The following CNTNAP4 variants were observed in gnomAD, a reference collection of about 807,000 sequenced individuals.
CNTNAP4 encodes contactin-associated protein-like 4.
A neutral mutation model predicts 148.4 loss-of-function variants in CNTNAP4; 98 were observed. That is an observed-to-expected ratio of 0.66 (90% CI 0.56 to 0.78). CNTNAP4 has a LOEUF of 0.78. Ranked by LOEUF, CNTNAP4 falls within the 30% of genes least tolerant of loss-of-function variation. The pLI is 0.00. For missense variants in CNTNAP4, 1,935 were observed against 1,565.6 expected, an observed-to-expected ratio of 1.24 and a Z score of -3.98; for synonymous variants, 730 against 565.1, an observed-to-expected ratio of 1.29 and a Z score of -4.14.
At chr16:76,547,265 C>T (rs2084777771) in intron 21 of CNTNAP4, among the ~76,000 whole-genome samples, 2 of 151,988 alleles carry the variant, frequency 1.3e-5, no homozygotes, top group African/African-American at 2.4e-5. Flanking sequence ...ACAATTCCAC[C>T]ACATGGGGAA....
chr16:76,297,392 A>G (rs755548207), intron 1 of CNTNAP4, among the ~76,000 whole-genome samples: 27 of 152,180 alleles, frequency 1.8e-4, no homozygotes, highest in Non-Finnish European at 2.8e-4. Context: ...ATTTATATTT[A>G]TTTTTGTTCA....
rs190502447 is a variant in CNTNAP4 at position 76,316,539 on chromosome 16, T to G, written c.196+16T>G. 1,391 of 1,531,192 alleles carry G rather than the reference T, an allele frequency of 9.1e-4. 11 individuals carry two copies. In the African/African-American group the frequency reaches 0.017, roughly 18 times the overall value. 94.9% of individuals were successfully genotyped at this position (1,531,192 alleles called of 1,614,324 possible). A position where few individuals can be genotyped will look rare whatever the true frequency, so the allele number is the denominator to read the frequency against. On this transcript the variant is annotated intron_variant, in intron 2 of 23. Transcript: ENST00000611870. ...AGAAGAGATGGTAAGTCTGCTTTTC[T>G]CCTCTGACTGGCCCATAGAAAATCT...
At chr16:76,401,678 G>T (rs2078422988) in intron 3 of CNTNAP4, among the ~76,000 whole-genome samples, 1 of 152,112 alleles carries the variant, frequency 6.6e-6, no homozygotes, top group South Asian at 2.1e-4. Flanking sequence ...TTGTCTGTGG[G>T]TTTGCCATAG....
chr16:76,559,509 A>T lies in CNTNAP4; in HGVS notation c.*826A>T, dbSNP rs917525180. On this transcript the variant is annotated 3_prime_UTR_variant, in exon 24 of 24. Coordinates refer to ENST00000611870, the MANE Select transcript of CNTNAP4 (RefSeq NM_033401.5). ...CAAAGAATGTAAAATGTTTTCAACT[A>T]AACTGTTGATATATTAAAAAAAATT... Among the ~76,000 whole-genome samples, 5 of 152,340 alleles carry T rather than the reference A, an allele frequency of 3.3e-5. No homozygotes were observed. In the South Asian group the frequency reaches 8.3e-4, roughly 25 times the overall value.
intron 4 of CNTNAP4, among the ~76,000 whole-genome samples, chr16:76,432,989 C>T (rs1453140107): frequency 6.6e-6 from 1 of 152,126 alleles, no homozygotes; most frequent in African/African-American, 2.4e-5. Context: ...CTCTCTTACT[C>T]ATTCTTCTTT....
chr16:76,469,702 T>G (rs1046080614), intron 10 of CNTNAP4: 1 of 152,216 alleles, frequency 6.6e-6, no homozygotes, highest in Admixed American at 6.5e-5. Flanking sequence ...GGAGAACACA[T>G]CACTTTAGTG....
intron 3 of CNTNAP4, among the ~76,000 whole-genome samples, chr16:76,415,172 C>T (rs1238900131): frequency 6.6e-6 from 1 of 151,176 alleles, no homozygotes; most frequent in Non-Finnish European, 1.5e-5. Context: ...GTTTTCTAAA[C>T]ACACACAGAT....
chr16:76,301,593 T>C (rs994771711), intron 1 of CNTNAP4, among the ~76,000 whole-genome samples: 3 of 152,110 alleles, frequency 2.0e-5, no homozygotes, highest in Non-Finnish European at 4.4e-5. Context: ...AATGAAGAAA[T>C]GTTATCAGGA....
chr16:76,383,837 G>T (rs78704302), intron 3 of CNTNAP4, among the ~76,000 whole-genome samples: 2 of 152,126 alleles, frequency 1.3e-5, no homozygotes, highest in African/African-American at 4.8e-5. Flanking sequence ...GGGTGTAGGC[G>T]AAATAAAATT....
At chr16:76,536,454 C>T (rs569061237) in intron 18 of CNTNAP4, among the ~76,000 whole-genome samples, 67 of 152,178 alleles carry the variant, frequency 4.4e-4, no homozygotes, top group African/African-American at 1.5e-3. Context: ...CCTGAGCCTC[C>T]CAAAGTGCTG....
intron 3 of CNTNAP4, among the ~76,000 whole-genome samples, chr16:76,399,852 G>A (rs768803097): frequency 5.3e-5 from 8 of 152,114 alleles, no homozygotes; most frequent in Non-Finnish European, 1.0e-4. Flanking sequence ...AAGAGAGCAT[G>A]CTAATTTTTC....
At chr16:76,361,613 A>G (rs772711056) in intron 3 of CNTNAP4, among the ~76,000 whole-genome samples, 64 of 152,150 alleles carry the variant, frequency 4.2e-4, no homozygotes, top group Non-Finnish European at 7.8e-4. Context: ...TAATGATGCA[A>G]TGAGTATGAG....
chr16:76,505,270 A>ACCAGTAACCTGCTTTTTTTTTTC (rs2082803467), intron 15 of CNTNAP4, among the ~76,000 whole-genome samples: 1 of 41,324 alleles, frequency 2.4e-5, no homozygotes, highest in African/African-American at 3.6e-5. Context: ...TGTACCCACA[A>ACCAGTAACCTGCTTTTTTTTTTC]TACACAGTGG....
chr16:76,514,302 A>C (rs1213852337), intron 15 of CNTNAP4, among the ~76,000 whole-genome samples: 1 of 152,226 alleles, frequency 6.6e-6, no homozygotes, highest in Admixed American at 6.5e-5. Context: ...GACTAAAAAT[A>C]ATTGGATGTT....
intron 10 of CNTNAP4, among the ~76,000 whole-genome samples, chr16:76,472,064 G>T (rs1432847266): frequency 6.7e-6 from 1 of 149,726 alleles, no homozygotes; most frequent in Non-Finnish European, 1.5e-5. Context: ...GTAAGCATTT[G>T]TTCAAGTTCA....
intron 13 of CNTNAP4, among the ~76,000 whole-genome samples, chr16:76,491,829 C>G (rs2082234185): frequency 6.8e-6 from 1 of 147,686 alleles, no homozygotes; most frequent in African/African-American, 2.5e-5. Flanking sequence ...GGACTTCCTT[C>G]TATTTAAGGC....
intron 2 of CNTNAP4, among the ~76,000 whole-genome samples, chr16:76,322,560 A>C (rs778477063): frequency 6.6e-6 from 1 of 152,208 alleles, no homozygotes; most frequent in Non-Finnish European, 1.5e-5. Context: ...AAGATATTTC[A>C]CCACCAAACT....
chr16:76,510,955 G>T (rs978337403), intron 15 of CNTNAP4, among the ~76,000 whole-genome samples: 9 of 151,916 alleles, frequency 5.9e-5, no homozygotes, highest in Non-Finnish European at 1.2e-4. Flanking sequence ...AATACTCGAA[G>T]GAACAATTAT....
At chr16:76,427,667 A>C in intron 4 of CNTNAP4, 68 bp downstream of exon 4, 2 of 1,412,082 alleles carry the variant, frequency 1.4e-6, no homozygotes, top group South Asian at 1.5e-5. Flanking sequence ...CCAAACTACA[A>C]ACTGAAATGG....
Sources: allele counts gnomAD v4.1 joint callset (sites outside exome capture counted in the v4.1 genomes callset), GRCh38; gene constraint gnomAD v4.1.1; transcripts MANE v1.5; gene names NCBI Gene and HGNC (gene_info 2026-07-23, HGNC 2026-07-21).